Variants in ARHGEF3 observed in about 807,000 individuals in gnomAD.
ARHGEF3 encodes 59.8 kDA protein.
In ARHGEF3, 28 loss-of-function variants were observed where a neutral mutation model predicts 63.2. The observed-to-expected ratio is 0.44, with a 90% CI of 0.33 to 0.61. The LOEUF is 0.61. ARHGEF3 is among the 20% of genes least tolerant of loss of function. The pLI is 0.03. For synonymous variants in ARHGEF3, 266 were observed against 254.2 expected (o/e 1.05, Z -0.44); for missense variants, 533 against 659.3 (o/e 0.81, Z 2.10).
chr3:57,077,283 G>A (rs1007184761), intron 1 of ARHGEF3, among the ~76,000 whole-genome samples: 9 of 150,712 alleles, frequency 6.0e-5, no homozygotes, highest in East Asian at 5.9e-4. Flanking sequence ...GGGGCACAAA[G>A]GGCAGCCCCC....
intron 7 of ARHGEF3, among the ~76,000 whole-genome samples, chr3:56,741,496 CTTTTTTTTTT>C (rs71072191): frequency 2.0e-4 from 10 of 50,512 alleles, no homozygotes; most frequent in Admixed American, 1.2e-3. Flanking sequence ...TACATTGGTT[CTTTTTTTTTT>C]TTTTTTTTTT....
chr3:56,770,798 T>C (rs2035965075), intron 2 of ARHGEF3, among the ~76,000 whole-genome samples: 1 of 152,218 alleles, frequency 6.6e-6, no homozygotes, highest in Non-Finnish European at 1.5e-5. Context: ...TTCTGGCCAA[T>C]ATATAAAGCT....
chr3:56,755,178 A>G (rs1352483443), intron 2 of ARHGEF3, 27 bp from the exon 3 acceptor site: 1 of 1,607,630 alleles, frequency 6.2e-7, no homozygotes, highest in Non-Finnish European at 8.5e-7. Flanking sequence ...ACAAACCATC[A>G]CGGGGGCAGC....
intron 3 of ARHGEF3, among the ~76,000 whole-genome samples, chr3:56,896,676 GT>G (rs2041312238): frequency 6.6e-6 from 1 of 152,152 alleles, no homozygotes; most frequent in Non-Finnish European, 1.5e-5. Context: ...GGCCAGTTAC[GT>G]TGTATAATTT....
chr3:56,751,064 C>G lies in ARHGEF3; in HGVS notation c.604G>C (p.Val202Leu). The stretch of plus-strand genomic sequence containing the variant: ...CCAGAGAACTTTCTTACCCAGCCCA[C>G]GAGGATGGGACCAACATGTTCAGTC... ...GSTEHVGPIL[V>L]GWLPCLSSYD... The change falls in exon 6 of 10, where the codon GTG becomes CTG. Residue 202 changes from valine (V) to leucine (L), a missense_variant. Transcript: ENST00000296315. 5 of 1,613,710 alleles carry G rather than the reference C, an allele frequency of 3.1e-6. No individual in the cohort carries two copies. The highest frequency in any genetic ancestry group is 4.2e-6 in the Non-Finnish European group (5 of 1,179,756).
chr3:56,786,492 C>T (rs914412785), intron 1 of ARHGEF3, among the ~76,000 whole-genome samples: 3 of 152,154 alleles, frequency 2.0e-5, no homozygotes, highest in Non-Finnish European at 4.4e-5. Context: ...AAACTGATTT[C>T]ATTTGTTGAG....
intron 3 of ARHGEF3, chr3:56,958,700 A>C (rs1700151207): frequency 9.5e-7 from 1 of 1,047,994 alleles, no homozygotes; most frequent in Non-Finnish European, 1.4e-6. Context: ...GGTAAAGCAC[A>C]GATGCGCTCC....
intron 2 of ARHGEF3, among the ~76,000 whole-genome samples, chr3:56,979,923 C>T (rs1010203556): frequency 5.3e-5 from 8 of 152,106 alleles, no homozygotes; most frequent in East Asian, 1.9e-4. Context: ...AGACTACTGA[C>T]GGTGGTGGTT....
At chr3:56,833,834 C>G (rs142535838) in intron 4 of ARHGEF3, among the ~76,000 whole-genome samples, 1 of 152,290 alleles carries the variant, frequency 6.6e-6, no homozygotes, top group East Asian at 1.9e-4. Context: ...ACTCAGCCCC[C>G]AGTGCATATC....
intron 4 of ARHGEF3, among the ~76,000 whole-genome samples, chr3:56,844,362 G>A (rs759378270): frequency 9.2e-5 from 14 of 152,200 alleles, no homozygotes; most frequent in South Asian, 2.1e-4. Context: ...ATGACTTATT[G>A]TTAAACTAAT....
chr3:57,052,841 G>C (rs1185428053), intron 1 of ARHGEF3, among the ~76,000 whole-genome samples: 1 of 152,140 alleles, frequency 6.6e-6, no homozygotes, highest in African/African-American at 2.4e-5. Flanking sequence ...GAAAGCCAGA[G>C]ACCATCTAGA....
At chr3:56,802,746 G>A (rs2037720380), upstream of ARHGEF3, among the ~76,000 whole-genome samples, 1 of 152,142 alleles carries the variant, frequency 6.6e-6, no homozygotes, top group South Asian at 2.1e-4. Context: ...CCTTTTTGGA[G>A]AAACAATGAC....
intron 1 of ARHGEF3, among the ~76,000 whole-genome samples, chr3:57,064,112 CA>C (rs1705388292): frequency 6.6e-6 from 1 of 151,946 alleles, no homozygotes; most frequent in South Asian, 2.1e-4. Flanking sequence ...ACCAAAAATA[CA>C]AAAAAATTAA....
At chr3:56,750,991 TAAA>T (rs2034707399) in intron 6 of ARHGEF3, 62 bp downstream of exon 6, 1 of 1,170,984 alleles carries the variant, frequency 8.5e-7, no homozygotes, top group Non-Finnish European at 1.2e-6. Context: ...AAAGTCTAGC[TAAA>T]ATGAAACTCC....
intron 2 of ARHGEF3, among the ~76,000 whole-genome samples, chr3:57,010,455 C>CAAA (rs35833729): frequency 5.9e-5 from 3 of 50,940 alleles, no homozygotes; most frequent in African/African-American, 1.4e-4. Flanking sequence ...GACTCCATCT[C>CAAA]AAAAAAAAAA....
intron 2 of ARHGEF3, among the ~76,000 whole-genome samples, chr3:57,011,876 T>G (rs1264225925): frequency 6.6e-6 from 1 of 152,166 alleles, no homozygotes; most frequent in Non-Finnish European, 1.5e-5. Flanking sequence ...GCAGGGCCTC[T>G]GATTTGCACT....
chr3:56,981,851 G>A (rs1325741625), intron 2 of ARHGEF3, among the ~76,000 whole-genome samples: 1 of 152,146 alleles, frequency 6.6e-6, no homozygotes, highest in Non-Finnish European at 1.5e-5. Context: ...TCACTGCCCA[G>A]CATTTAGTCC....
rs779467137 is a variant in ARHGEF3, at chr3:56,755,023, G to A, written c.333C>T (p.Cys111=). The A allele has an allele frequency of 8.1e-6, 13 of 1,614,102 alleles. No homozygotes were observed. The highest frequency in any genetic ancestry group is 3.3e-5 in the Admixed American group (2 of 60,014). ...SKLWSETFDV[C]VNQMLTSKEI... is the part of the protein sequence containing the mutation. ...CCTTGGATGTAAGCATCTGATTGACGCACACATCGAAGGTCTCACTCCACA... is the reference window on the plus strand; with the variant it reads ...CCTTGGATGTAAGCATCTGATTGACACACACATCGAAGGTCTCACTCCACA... The change falls in exon 3 of 10, where the codon TGC becomes TGT. Residue 111 remains cysteine, a synonymous_variant. Coordinates refer to ENST00000296315, the MANE Select transcript of ARHGEF3 (RefSeq NM_019555.3).
intron 1 of ARHGEF3, chr3:57,074,232 G>A (rs1400526919): frequency 1.9e-6 from 3 of 1,613,924 alleles, no homozygotes; most frequent in East Asian, 2.2e-5. Flanking sequence ...CCTCTCTACA[G>A]TATACTCCAA....
Sources: gnomAD v4.1 joint callset for allele counts (sites outside exome capture counted in the v4.1 genomes callset) on GRCh38, gnomAD v4.1.1 for gene constraint, MANE v1.5 for transcripts, NCBI Gene and HGNC (gene_info 2026-07-23, HGNC 2026-07-21) for gene names.